Variants in CA10 observed in about 807,000 individuals in gnomAD.
CA10 encodes the protein carbonic anhydrase 10 (inactive).
In CA10, 14 loss-of-function variants were observed where a neutral mutation model predicts 44.2. The ratio of observed to expected loss-of-function variants is 0.32; its 90% confidence interval spans 0.21 to 0.50. The LOEUF is 0.50. Ranked by LOEUF, CA10 falls within the 20% of genes least tolerant of loss-of-function variation. The pLI, the probability that CA10 is intolerant of heterozygous loss-of-function variation, is 0.99. For synonymous variants in CA10, 159 were observed against 141.6 expected (o/e 1.12, Z -0.87); for missense variants, 350 against 409.7 (o/e 0.85, Z 1.26).
intron 4 of CA10, among the ~76,000 whole-genome samples, chr17:51,724,849 C>A (rs945962280): frequency 2.0e-5 from 3 of 152,186 alleles, no homozygotes; most frequent in Non-Finnish European, 4.4e-5. Flanking sequence ...CAGGGCGCAG[C>A]ACATTGGTGT....
chr17:52,098,911 T>C (rs1988470369), intron 1 of CA10, among the ~76,000 whole-genome samples: 1 of 152,186 alleles, frequency 6.6e-6, no homozygotes, highest in African/African-American at 2.4e-5. Flanking sequence ...TCGTACCTGG[T>C]GGTCATTGCT....
At chr17:51,777,543 A>G (rs1905870645) in intron 3 of CA10, among the ~76,000 whole-genome samples, 1 of 152,172 alleles carries the variant, frequency 6.6e-6, no homozygotes, top group Admixed American at 6.5e-5. Context: ...GTGTATACTG[A>G]GGGACAACTA....
intron 3 of CA10, among the ~76,000 whole-genome samples, chr17:51,782,745 G>C (rs1415105164): frequency 1.3e-5 from 2 of 152,184 alleles, no homozygotes; most frequent in Non-Finnish European, 2.9e-5. Flanking sequence ...TTGGAGCTTA[G>C]ATCCTTCCAA....
intron 2 of CA10, among the ~76,000 whole-genome samples, chr17:52,047,426 A>T (rs1481901329): frequency 1.3e-5 from 2 of 152,008 alleles, no homozygotes; most frequent in Non-Finnish European, 2.9e-5. Context: ...AAATTAAAGA[A>T]TTTTACTATA....
intron 4 of CA10, among the ~76,000 whole-genome samples, chr17:51,697,702 A>G (rs1412616976): frequency 6.6e-6 from 1 of 152,258 alleles, no homozygotes; most frequent in Non-Finnish European, 1.5e-5. Context: ...CAACTAGAAC[A>G]CAGCCTGGCA....
At chr17:52,114,393 G>C (rs1988847377) in intron 1 of CA10, among the ~76,000 whole-genome samples, 1 of 152,166 alleles carries the variant, frequency 6.6e-6, no homozygotes, top group Non-Finnish European at 1.5e-5. Context: ...TCCCACTGCT[G>C]TGATCTGGAG....
chr17:51,878,829 C>CATATATAT (rs61340613), intron 3 of CA10, among the ~76,000 whole-genome samples: 5 of 37,106 alleles, frequency 1.3e-4, no homozygotes, highest in Non-Finnish European at 1.8e-4. Context: ...TTTTCATGTT[C>CATATATAT]ATATATATAT....
chr17:52,015,450 A>C (rs1238715914), intron 2 of CA10, among the ~76,000 whole-genome samples: 1 of 152,130 alleles, frequency 6.6e-6, no homozygotes, highest in East Asian at 1.9e-4. Flanking sequence ...AAGGAGCATG[A>C]TGAGGAGAAC....
chr17:51,898,892 G>C (rs767197138), intron 3 of CA10, among the ~76,000 whole-genome samples: 1 of 151,658 alleles, frequency 6.6e-6, no homozygotes, highest in Non-Finnish European at 1.5e-5. Flanking sequence ...GGGGTCAGTG[G>C]TAACGTCCCC....
At chr17:52,141,583 C>T (rs1405011337) in intron 1 of CA10, among the ~76,000 whole-genome samples, 1 of 152,160 alleles carries the variant, frequency 6.6e-6, no homozygotes, top group Non-Finnish European at 1.5e-5. Context: ...CTCAATGCTG[C>T]TGCTGTGATG....
At chr17:51,637,152 T>C (rs150741848) in intron 6 of CA10, among the ~76,000 whole-genome samples, 274 of 152,236 alleles carry the variant, frequency 1.8e-3, no homozygotes, top group African/African-American at 6.5e-3. Context: ...TAGCACGTGA[T>C]TGTTCTCTTC....
chr17:52,154,115 TC>T (rs1567750399), intron 1 of CA10, among the ~76,000 whole-genome samples: 1 of 152,180 alleles, frequency 6.6e-6, no homozygotes, highest in East Asian at 1.9e-4. Flanking sequence ...AACTTTTACT[TC>T]CAAATTCTCT....
chr17:51,833,670 A>G (rs1396218045), intron 3 of CA10, among the ~76,000 whole-genome samples: 1 of 152,210 alleles, frequency 6.6e-6, no homozygotes, highest in African/African-American at 2.4e-5. Flanking sequence ...ACTGTGTAGT[A>G]GTCTTTTCCT....
chr17:52,058,563 T>C (rs914913622), intron 2 of CA10, among the ~76,000 whole-genome samples: 1 of 152,156 alleles, frequency 6.6e-6, no homozygotes, highest in Non-Finnish European at 1.5e-5. Flanking sequence ...ATAGGGACTC[T>C]CATAAATGAA....
intron 3 of CA10, among the ~76,000 whole-genome samples, chr17:51,824,708 C>G (rs146154865): frequency 1.3e-5 from 2 of 152,202 alleles, no homozygotes; most frequent in Non-Finnish European, 2.9e-5. Flanking sequence ...ATCTTTTATT[C>G]TTTGGGCATT....
chr17:51,738,161 G>A (rs375870639), intron 4 of CA10, among the ~76,000 whole-genome samples: 38 of 152,234 alleles, frequency 2.5e-4, no homozygotes, highest in African/African-American at 8.9e-4. Flanking sequence ...TAATCCTCAG[G>A]TCTGTTTATT....
intron 4 of CA10, among the ~76,000 whole-genome samples, chr17:51,661,102 G>A (rs1327114749): frequency 2.6e-5 from 4 of 152,008 alleles, no homozygotes; most frequent in Admixed American, 6.6e-5. Flanking sequence ...CTTGACATTC[G>A]TTGTGTGACT....
chr17:52,065,658 G>C (rs1377334510), intron 2 of CA10, among the ~76,000 whole-genome samples: 1 of 152,122 alleles, frequency 6.6e-6, no homozygotes, highest in African/African-American at 2.4e-5. Context: ...CAAACTTCTA[G>C]TTCCTTTCAG....
At chr17:51,674,477 A>G (rs1914543775) in intron 4 of CA10, among the ~76,000 whole-genome samples, 1 of 152,110 alleles carries the variant, frequency 6.6e-6, no homozygotes, top group African/African-American at 2.4e-5. Context: ...CTTAACTCTG[A>G]TTGCTATCTT....
Sources: allele counts gnomAD v4.1 joint callset (sites outside exome capture counted in the v4.1 genomes callset), GRCh38; gene constraint gnomAD v4.1.1; transcripts MANE v1.5; gene names NCBI Gene and HGNC (gene_info 2026-07-23, HGNC 2026-07-21).